Variants in ANAPC5 observed in about 807,000 individuals in gnomAD.
ANAPC5 encodes anaphase-promoting complex subunit 5.
A neutral mutation model predicts 91.3 loss-of-function variants in ANAPC5; 60 were observed. That is an observed-to-expected ratio of 0.66 (90% CI 0.53 to 0.81). The LOEUF (loss-of-function observed/expected upper bound fraction) is 0.81. Among genes scored for constraint, ANAPC5 ranks in the 40% least tolerant of loss-of-function variants. The probability of loss-of-function intolerance (pLI) is 0.00; values close to 1 mark genes in which losing one functional copy is unlikely to be tolerated. For missense variants in ANAPC5, 690 were observed against 931.5 expected, an observed-to-expected ratio of 0.74 and a Z score of 3.37; for synonymous variants, 340 against 364.1, an observed-to-expected ratio of 0.93 and a Z score of 0.75.
chr12:121,344,978 T>C (rs1441844780), intron 4 of ANAPC5, among the ~76,000 whole-genome samples: 3 of 152,136 alleles, frequency 2.0e-5, no homozygotes, highest in Non-Finnish European at 4.4e-5. Flanking sequence ...GAAGAACAGA[T>C]GTAGGGAGAC....
chr12:121,339,479 A>C (rs1903362057), intron 5 of ANAPC5, among the ~76,000 whole-genome samples: 1 of 151,244 alleles, frequency 6.6e-6, no homozygotes, highest in South Asian at 2.1e-4. Flanking sequence ...TTTTAATTTT[A>C]TTTCTTTTTG....
chr12:121,321,853 G>A (rs113066454), intron 11 of ANAPC5, among the ~76,000 whole-genome samples: 7,297 of 150,068 alleles, frequency 0.049, 401 homozygotes, highest in East Asian at 0.14. Flanking sequence ...ATTACTTTTG[G>A]GTTTTGCTGT....
intron 10 of ANAPC5, 155 bp from the exon 11 acceptor site, chr12:121,327,386 G>T: frequency 1.2e-6 from 1 of 866,908 alleles, no homozygotes. Flanking sequence ...CAGCAACCTT[G>T]CCCTCAGGAT....
At chr12:121,338,458 G>A (rs1235107543) in intron 5 of ANAPC5, among the ~76,000 whole-genome samples, 3 of 151,714 alleles carry the variant, frequency 2.0e-5, no homozygotes, top group Non-Finnish European at 4.4e-5. Flanking sequence ...GTGTGGTGGC[G>A]CACACCTGTA....
At chr12:121,318,692 A>C in intron 13 of ANAPC5, 84 bp from the exon 14 acceptor site, 1 of 1,224,482 alleles carries the variant, frequency 8.2e-7, no homozygotes. Flanking sequence ...TGCGCTATAA[A>C]CCTCCCAAGG....
chr12:121,315,158 C>T (rs1055866468), intron 15 of ANAPC5, among the ~76,000 whole-genome samples: 21 of 151,010 alleles, frequency 1.4e-4, no homozygotes, highest in Admixed American at 4.0e-4. Flanking sequence ...AACTAGCAAC[C>T]CAAAAATAAA....
chr12:121,308,405 T>C lies in ANAPC5; in HGVS notation c.*75A>G. ...AAGATAGGGTGTCACAAATACATCA[T>C]TTATAGGGAGAGAGGGGACATGAAC... On this transcript the variant is annotated 3_prime_UTR_variant, in exon 17 of 17. Transcript: ENST00000261819. 2 of 1,199,708 alleles carry C rather than the reference T, an allele frequency of 1.7e-6. No individual in the cohort carries two copies. The highest frequency in any genetic ancestry group is 2.4e-6 in the Non-Finnish European group (2 of 818,278). 74.3% of individuals were successfully genotyped at this position (1,199,708 alleles called of 1,614,324 possible). A position where few individuals can be genotyped will look rare whatever the true frequency, so the allele number is the denominator to read the frequency against.
intron 15 of ANAPC5, among the ~76,000 whole-genome samples, chr12:121,313,221 G>C (rs943954611): frequency 2.0e-5 from 3 of 152,116 alleles, no homozygotes; most frequent in Non-Finnish European, 4.4e-5. Flanking sequence ...AGCTACTCGG[G>C]AGGCTGAGGT....
At chr12:121,333,234 T>C (rs1903109359) in intron 7 of ANAPC5, 1 of 152,054 alleles carries the variant, frequency 6.6e-6, no homozygotes, top group Non-Finnish European at 1.5e-5. Context: ...GAGAATTTTT[T>C]ACCTGAACCC....
At chr12:121,346,145 G>A in intron 3 of ANAPC5, 114 bp from the exon 4 acceptor site, 3 of 839,030 alleles carry the variant, frequency 3.6e-6, no homozygotes, top group Non-Finnish European at 5.5e-6. Context: ...AGAAGAGTAA[G>A]AAAGAGACAC....
chr12:121,347,568 C>T (rs1903719025), intron 2 of ANAPC5: 1 of 473,838 alleles, frequency 2.1e-6, no homozygotes, highest in Non-Finnish European at 3.7e-6. Context: ...GAAGTCCAGG[C>T]TGCGTTGAGC....
Position 121,335,733 on chromosome 12 carries a change from G to C in ANAPC5, c.760-10C>G. The C allele has an allele frequency of 1.3e-6, 2 of 1,598,772 alleles. No homozygotes were observed. The highest frequency in any genetic ancestry group is 1.7e-5 in the Admixed American group (1 of 59,088). On this transcript the variant is annotated splice_polypyrimidine_tract_variant and intron_variant, in intron 6 of 16. Coordinates refer to ENST00000261819, the MANE Select transcript of ANAPC5 (RefSeq NM_016237.5). ...AGTAGCTGAGATAATGCTAAAACAA[G>C]AAATAATCAATGTATTTTAAACGCT... is the stretch of plus-strand genomic sequence containing the variant.
At chr12:121,339,877 T>G (rs1903378085) in intron 5 of ANAPC5, among the ~76,000 whole-genome samples, 1 of 136,096 alleles carries the variant, frequency 7.3e-6, no homozygotes, top group Admixed American at 7.8e-5. Context: ...AGTTTTTTTT[T>G]TTTTTTTTTT....
chr12:121,352,197 G>A lies in ANAPC5; in HGVS notation c.144C>T (p.Gly48=). 2 of 1,613,964 alleles carry A rather than the reference G, an allele frequency of 1.2e-6. No homozygotes were observed. Among genetic ancestry groups the A allele is most frequent in the Non-Finnish European group, 1.7e-6 (2 of 1,179,926 alleles). Residue 48 remains glycine (G), a synonymous_variant, in exon 1 of 17, where the codon GGC becomes GGT. Coordinates refer to ENST00000261819, the MANE Select transcript of ANAPC5 (RefSeq NM_016237.5). ...LVLLNEMSRT[G]EGAVSLMERR... is the part of the protein sequence containing the mutation. The stretch of plus-strand genomic sequence containing the variant: ...GCTCCATGAGGCTGACGGCGCCCTC[G>A]CCTGTGCGGCTCATCTCGTTCAGCA...
At chr12:121,317,863 C>G (rs1035455278) in intron 15 of ANAPC5, 1 of 154,254 alleles carries the variant, frequency 6.5e-6, no homozygotes, top group South Asian at 2.1e-4. Context: ...TCAATTCCTT[C>G]ATGGCCTTTA....
chr12:121,328,519 C>T (rs782392192), intron 9 of ANAPC5, 22 bp from the exon 10 acceptor site: 22 of 1,608,742 alleles, frequency 1.4e-5, no homozygotes, highest in African/African-American at 5.4e-5. Flanking sequence ...GATATACCCA[C>T]GACCCAAGAT....
At chr12:121,331,135 G>A (rs1903027555) in intron 8 of ANAPC5, 1 of 493,138 alleles carries the variant, frequency 2.0e-6, no homozygotes, top group East Asian at 3.2e-5. Context: ...ACTTTGTAGA[G>A]CAGATATATG....
intron 15 of ANAPC5, chr12:121,310,069 C>T (rs781222122): frequency 1.2e-4 from 46 of 394,110 alleles, no homozygotes; most frequent in Non-Finnish European, 1.8e-4. Context: ...TAGCAGGGGG[C>T]GGTTATTCAC....
chr12:121,346,835 AC>A, intron 3 of ANAPC5, 60 bp downstream of exon 3: 1 of 1,004,328 alleles, frequency 1.0e-6, no homozygotes, highest in South Asian at 1.6e-5. Flanking sequence ...GATAGACATG[AC>A]TTAGAAAGCT....
Sources: allele counts gnomAD v4.1 joint callset (sites outside exome capture counted in the v4.1 genomes callset), GRCh38; gene constraint gnomAD v4.1.1; transcripts MANE v1.5; gene names NCBI Gene and HGNC (gene_info 2026-07-23, HGNC 2026-07-21).